The following ATP11A variants were observed in gnomAD, a reference collection of about 807,000 sequenced individuals.
The protein encoded by ATP11A is phospholipid-transporting ATPase IH.
ATP11A carries 81 observed loss-of-function variants against 154.4 expected under a neutral mutation model. The observed-to-expected ratio is 0.52, with a 90% CI of 0.44 to 0.63. The LOEUF (loss-of-function observed/expected upper bound fraction) is 0.63, where lower values mean the gene tolerates loss of function less well. Among genes scored for constraint, ATP11A ranks in the 30% least tolerant of loss-of-function variants. The pLI, the probability that ATP11A is intolerant of heterozygous loss-of-function variation, is 0.00. For missense variants in ATP11A, 1,316 were observed against 1,474.3 expected (o/e 0.89, Z 1.76); for synonymous variants, 623 against 585.9 (o/e 1.06, Z -0.91).
intron 17 of ATP11A, among the ~76,000 whole-genome samples, chr13:112,846,615 C>T (rs1342404561): frequency 1.3e-5 from 2 of 152,204 alleles, no homozygotes; most frequent in East Asian, 3.9e-4. Context: ...TAACTGCACC[C>T]CTGCTGCCAG....
At chr13:112,878,812 C>T (rs915395954) in intron 29 of ATP11A, among the ~76,000 whole-genome samples, 1 of 152,220 alleles carries the variant, frequency 6.6e-6, no homozygotes, top group Non-Finnish European at 1.5e-5. Flanking sequence ...TTGCTCAGGA[C>T]CCATGCACAT....
At chr13:112,870,221 C>G (rs1000935622) in intron 25 of ATP11A, among the ~76,000 whole-genome samples, 1 of 152,198 alleles carries the variant, frequency 6.6e-6, no homozygotes, top group Admixed American at 6.5e-5. Context: ...ACAAAAGGTC[C>G]TAACACTTTT....
chr13:112,741,661 T>G (rs911217798), intron 1 of ATP11A, among the ~76,000 whole-genome samples: 1 of 152,140 alleles, frequency 6.6e-6, no homozygotes, highest in African/African-American at 2.4e-5. Context: ...CAGGGGCCCG[T>G]GCTCCTTAGT....
In ATP11A at chr13:112,882,039, G is replaced by C; in HGVS notation, c.*173G>C. ...TCCATCCCAAGTCACAGCTGCCCTA[G>C]GTCCCGTGTGGGAATGCTCGTGTGA... On this transcript the variant is annotated 3_prime_UTR_variant, in exon 30 of 30. Transcript: ENST00000375645. This position sits in a 1 kb window ranked among gnomAD's most constrained non-coding sequence, Gnocchi z 5.1. 1 of 1,367,794 alleles carries C rather than the reference G, an allele frequency of 7.3e-7. No homozygotes were observed. The highest frequency in any genetic ancestry group is 1.5e-5 in the African/African-American group (1 of 67,864). The allele number at this position is 1,367,794 out of a possible 1,614,324, so 84.7% of individuals were successfully genotyped here.
chr13:112,716,785 G>A (rs1370234111), intron 1 of ATP11A, among the ~76,000 whole-genome samples: 2 of 152,242 alleles, frequency 1.3e-5, no homozygotes, highest in Non-Finnish European at 2.9e-5. Flanking sequence ...GGCAGCTCCT[G>A]CAGGGCCCAG....
rs541614827 is a variant in ATP11A at position 112,807,527 on chromosome 13, G to A, written c.333+1234G>A. Among the ~76,000 whole-genome samples the A allele has an allele frequency of 3.9e-5, 6 of 152,186 alleles. No individual in the cohort carries two copies. Among genetic ancestry groups the A allele is most frequent in the African/African-American group, 1.2e-4 (5 of 41,456 alleles). ...GGAGACTCACGCTTCCCAAGGACGC[G>A]CTGCCTGTGACTCAGGCAGTTTAAC... is the stretch of plus-strand genomic sequence containing the variant. On this transcript the variant is annotated intron_variant, in intron 4 of 29. Coordinates refer to ENST00000375645, the MANE Select transcript of ATP11A (RefSeq NM_015205.3). This position sits in a 1 kb window ranked among gnomAD's most constrained non-coding sequence, Gnocchi z 4.5.
intron 1 of ATP11A, among the ~76,000 whole-genome samples, chr13:112,708,322 T>C (rs1288479266): frequency 6.6e-6 from 1 of 152,212 alleles, no homozygotes; most frequent in Non-Finnish European, 1.5e-5. Context: ...AATAAAGATG[T>C]GTTTGAGCCT....
chr13:112,709,405 T>A (rs987007173), intron 1 of ATP11A, among the ~76,000 whole-genome samples: 5 of 152,166 alleles, frequency 3.3e-5, no homozygotes, highest in African/African-American at 7.2e-5. Flanking sequence ...AGAATCCTCT[T>A]CCCCCTTTGT....
chr13:112,869,274 C>A (rs1247259200), intron 25 of ATP11A, among the ~76,000 whole-genome samples: 2 of 152,226 alleles, frequency 1.3e-5, no homozygotes, highest in African/African-American at 4.8e-5. Context: ...GTGCCTGATT[C>A]TGGATTCACG....
Position 112,824,367 on chromosome 13 carries a change from G to T in ATP11A, c.814G>T (p.Glu272Ter). 1 of 1,614,172 alleles carries T rather than the reference G, an allele frequency of 6.2e-7. No individual in the cohort carries two copies. The highest frequency in any genetic ancestry group is 8.5e-7 in the Non-Finnish European group (1 of 1,180,014). The change falls in exon 10 of 30, where the codon GAA becomes TAA. Residue 272 changes from glutamate (E) to a stop codon, truncating the protein, a stop_gained. Coordinates refer to ENST00000375645, the MANE Select transcript of ATP11A (RefSeq NM_015205.3). LOFTEE classifies it high-confidence loss of function. ...AGGTGTGGCTATTTACACGGGAATG[G>T]AAACCAAGATGGCATTAAATTATCA... The part of the protein sequence containing the change: ...IFGVAIYTGM[E>*]TKMALNYQSK...
At chr13:112,734,784 G>T (rs555960368) in intron 1 of ATP11A, among the ~76,000 whole-genome samples, 3 of 152,286 alleles carry the variant, frequency 2.0e-5, no homozygotes, top group African/African-American at 7.2e-5. Context: ...GCACTTGGGG[G>T]GGATCACTAT....
chr13:112,840,594 C>T (rs978199091), intron 16 of ATP11A, among the ~76,000 whole-genome samples: 14 of 151,454 alleles, frequency 9.2e-5, no homozygotes, highest in Non-Finnish European at 1.5e-4. Context: ...TGCCCTCCAG[C>T]CTTTGCTCGG....
intron 1 of ATP11A, among the ~76,000 whole-genome samples, chr13:112,702,424 C>T (rs1886674475): frequency 1.3e-5 from 2 of 152,164 alleles, no homozygotes; most frequent in Non-Finnish European, 2.9e-5. Flanking sequence ...CCGCCCCCCG[C>T]GTGTTCCAGT....
At position 112,836,266 on chromosome 13, in the gene ATP11A, T is replaced by G. The variant is rs1342548971; in HGVS notation, c.1705+15T>G. The G allele has an allele frequency of 6.4e-7, 1 of 1,556,392 alleles. No homozygotes were observed. The highest frequency in any genetic ancestry group is 8.8e-7 in the Non-Finnish European group (1 of 1,130,898). On this transcript the variant is annotated intron_variant, in intron 16 of 29. Transcript: ENST00000375645. ...ATCTGCTACAGGTAAAATTTCTTTT[T>G]CTTTTGATTTATTAAGTTATACGTG...
In ATP11A at chr13:112,761,123, C is replaced by A. The variant is rs909515407; in HGVS notation, c.40-24012C>A. 4.7e-4 allele frequency among the ~76,000 whole-genome samples: 72 copies of A among 152,158 alleles called. 1 individual carries two copies. Among genetic ancestry groups the A allele is most frequent in the Non-Finnish European group, 1.3e-4 (9 of 68,036 alleles). The stretch of plus-strand genomic sequence containing the variant: ...CCAGGCTGCGGACGCTCCCCACCCC[C>A]CTTATGGCCTCTCGGTTATCAGATC... On this transcript the variant is annotated intron_variant, in intron 1 of 29. Coordinates refer to ENST00000375645, the MANE Select transcript of ATP11A (RefSeq NM_015205.3).
At chr13:112,693,404 A>C (rs961982175) in intron 1 of ATP11A, among the ~76,000 whole-genome samples, 2 of 142,098 alleles carry the variant, frequency 1.4e-5, no homozygotes, top group African/African-American at 5.4e-5. Flanking sequence ...AGGGTGATGT[A>C]TGTGCTGTCG....
chr13:112,784,717 G>A (rs182490056), intron 1 of ATP11A, among the ~76,000 whole-genome samples: 1 of 152,206 alleles, frequency 6.6e-6, no homozygotes, highest in East Asian at 1.9e-4. Flanking sequence ...TAGAGACGGG[G>A]TTTCACCGTG....
At chr13:112,828,697 G>C (rs1358572239) in intron 12 of ATP11A, among the ~76,000 whole-genome samples, 2 of 152,178 alleles carry the variant, frequency 1.3e-5, no homozygotes, top group Non-Finnish European at 2.9e-5. Context: ...TTTAATTTCT[G>C]TTGTTCTGTC....
At chr13:112,714,397 C>T (rs997089603) in intron 1 of ATP11A, among the ~76,000 whole-genome samples, 1 of 152,112 alleles carries the variant, frequency 6.6e-6, no homozygotes, top group Non-Finnish European at 1.5e-5. Context: ...GGTGACTTTC[C>T]TATGTGTGTG....
Sources: allele counts gnomAD v4.1 joint callset (sites outside exome capture counted in the v4.1 genomes callset), GRCh38; gene constraint gnomAD v4.1.1; non-coding constraint Gnocchi (gnomAD v3.1); transcripts MANE v1.5; gene names NCBI Gene and HGNC (gene_info 2026-07-23, HGNC 2026-07-21).